The following CTSH variants were observed in gnomAD, a reference collection of about 807,000 sequenced individuals.
CTSH encodes pro-cathepsin H.
In CTSH, 52 loss-of-function variants were observed where a neutral mutation model predicts 56.3. The observed-to-expected ratio is 0.92, with a 90% CI of 0.74 to 1.16. The LOEUF (loss-of-function observed/expected upper bound fraction) is 1.16, where lower values mean the gene tolerates loss of function less well. Among genes scored for constraint, CTSH ranks in the 50% most tolerant of loss-of-function variants. The probability of loss-of-function intolerance (pLI) is 0.00; values close to 1 mark genes in which losing one functional copy is unlikely to be tolerated. For missense variants in CTSH, 406 were observed against 424.5 expected, an observed-to-expected ratio of 0.96 and a Z score of 0.38; for synonymous variants, 174 against 155.7, an observed-to-expected ratio of 1.12 and a Z score of -0.88.
chr15:78,935,047 AC>A lies in CTSH; in HGVS notation c.335del (p.Gly112ValfsTer21). 1 of 1,614,134 alleles carries A rather than the reference AC, an allele frequency of 6.2e-7. No individual in the cohort carries two copies. Among genetic ancestry groups the A allele is most frequent in the Non-Finnish European group, 8.5e-7 (1 of 1,179,976 alleles). On this transcript the variant is annotated frameshift_variant, in exon 5 of 12. Transcript: ENST00000220166. LOFTEE classifies it high-confidence loss of function. ...CSATKSNYLR[G>X]TGPYPPSVDW... ...CCACGGAAGGTGGGTAGGGACCAGT[AC>A]CTCGAAGGTAGTTACTTTTGGTGGC...
At chr15:78,932,577 G>A in intron 5 of CTSH, 119 bp from the exon 6 acceptor site, 1 of 700,548 alleles carries the variant, frequency 1.4e-6, no homozygotes, top group East Asian at 2.7e-5. Flanking sequence ...TGCCTTGGCA[G>A]TTTACCAAGC....
chr15:78,931,770 C>T, intron 6 of CTSH: 2 of 1,395,890 alleles, frequency 1.4e-6, no homozygotes, highest in Non-Finnish European at 1.9e-6. Flanking sequence ...TGGGTCCAAA[C>T]CCCTGCCCCG....
At chr15:78,934,682 C>T (rs1240943809) in intron 5 of CTSH, among the ~76,000 whole-genome samples, 5 of 152,118 alleles carry the variant, frequency 3.3e-5, no homozygotes, top group Non-Finnish European at 7.4e-5. Context: ...GGGAACATAA[C>T]GTTTTGGATG....
chr15:78,941,489 A>C (rs1324244854), intron 1 of CTSH, among the ~76,000 whole-genome samples: 3 of 145,030 alleles, frequency 2.1e-5, no homozygotes, highest in Admixed American at 1.4e-4. Flanking sequence ...ACATCTGTGA[A>C]TATTATAAAA....
chr15:78,927,703 C>T lies in CTSH; in HGVS notation c.699+10G>A, dbSNP rs749196999. On this transcript the variant is annotated intron_variant, in intron 9 of 11. Coordinates refer to ENST00000220166, the MANE Select transcript of CTSH (RefSeq NM_004390.5). ...CACATTCCCCATCCCAGAGGGGGAT[C>T]GGCACTCACGATTGTGATGTTGGCT... 52 of 1,612,544 alleles carry T rather than the reference C, an allele frequency of 3.2e-5. No individual in the cohort carries two copies. Among genetic ancestry groups the T allele is most frequent in the Middle Eastern group, 1.6e-4 (1 of 6,076 alleles).
intron 1 of CTSH, among the ~76,000 whole-genome samples, chr15:78,941,998 G>C (rs912928696): frequency 1.3e-5 from 2 of 152,166 alleles, no homozygotes; most frequent in Non-Finnish European, 2.9e-5. Context: ...ATATTTTCAT[G>C]AGTGAATATT....
chr15:78,925,686 C>T (rs1255554148), intron 9 of CTSH: 3 of 424,620 alleles, frequency 7.1e-6, no homozygotes, highest in Non-Finnish European at 1.3e-5. Flanking sequence ...CGGGGTACAG[C>T]GTGGACCTAC....
Position 78,923,348 on chromosome 15 carries a change from G to C in CTSH, c.807-230C>G, listed in dbSNP as rs575011328. Among the ~76,000 whole-genome samples the C allele has an allele frequency of 3.1e-3, 470 of 152,272 alleles. 3 individuals carry two copies. The highest frequency in any genetic ancestry group is 4.5e-3 in the Non-Finnish European group (309 of 68,028). On this transcript the variant is annotated intron_variant, in intron 10 of 11. Transcript: ENST00000220166. ...TCTGTTGCCCAGGCTGGAGTGCAAT[G>C]GTGCAATCTCTGCTCACTGCAACCT...
chr15:78,927,454 A>G (rs2054934181), intron 9 of CTSH: 1 of 540,194 alleles, frequency 1.9e-6, no homozygotes, highest in Non-Finnish European at 3.3e-6. Context: ...TTTACAAGCA[A>G]GAAAACAGAA....
At chr15:78,925,075 A>T (rs1157576636) in intron 10 of CTSH, among the ~76,000 whole-genome samples, 1 of 152,134 alleles carries the variant, frequency 6.6e-6, no homozygotes, top group Non-Finnish European at 1.5e-5. Context: ...CCTAGCTCTC[A>T]CTAGCCAGGT....
At chr15:78,939,585 A>C (rs2055245833) in intron 1 of CTSH, among the ~76,000 whole-genome samples, 1 of 152,216 alleles carries the variant, frequency 6.6e-6, no homozygotes, top group Non-Finnish European at 1.5e-5. Context: ...TAAGAAGTTA[A>C]TTTAAAAAGC....
chr15:78,932,010 C>T lies in CTSH; in HGVS notation c.492+362G>A, dbSNP rs2055071845. The T allele has an allele frequency of 1.4e-5, 16 of 1,173,118 alleles. No individual in the cohort carries two copies. In the South Asian group the frequency reaches 2.2e-4, roughly 16 times the overall value. The allele number at this position is 1,173,118 out of a possible 1,614,324, so 72.7% of individuals were successfully genotyped here. A position where few individuals can be genotyped will look rare whatever the true frequency, so the allele number is the denominator to read the frequency against. The stretch of plus-strand genomic sequence containing the variant: ...GGCGAGGGGATGGATGCATAGGTCC[C>T]GGCTCTTCCCTCATGAAGACAACTG... On this transcript the variant is annotated intron_variant, in intron 6 of 11. Transcript: ENST00000220166.
At chr15:78,937,952 T>A in intron 2 of CTSH, 1 of 450,406 alleles carries the variant, frequency 2.2e-6, no homozygotes, top group Non-Finnish European at 3.6e-6. Context: ...TCCATTACTT[T>A]AAAAATTTCT....
At chr15:78,944,073 C>T (rs1393028398) in intron 1 of CTSH, among the ~76,000 whole-genome samples, 1 of 152,240 alleles carries the variant, frequency 6.6e-6, no homozygotes, top group Admixed American at 6.5e-5. Flanking sequence ...CAGGGCACCC[C>T]CCCTCCCTAG....
intron 1 of CTSH, among the ~76,000 whole-genome samples, chr15:78,942,979 G>A (rs2055326597): frequency 6.6e-6 from 1 of 152,106 alleles, no homozygotes; most frequent in African/African-American, 2.4e-5. Context: ...AGGGTTTCAG[G>A]GGATTCCAGA....
intron 6 of CTSH, chr15:78,932,021 T>G: frequency 8.5e-7 from 1 of 1,183,244 alleles, no homozygotes; most frequent in East Asian, 4.9e-5. Flanking sequence ...GGCTCTTCCC[T>G]CATGAAGACA....
At chr15:78,928,371 T>A (rs1390225438) in intron 8 of CTSH, among the ~76,000 whole-genome samples, 1 of 147,200 alleles carries the variant, frequency 6.8e-6, no homozygotes, top group Admixed American at 6.8e-5. Context: ...TCAATACCAG[T>A]CTGGCCAAGA....
chr15:78,929,321 G>C (rs191669226), intron 8 of CTSH, 91 bp downstream of exon 8: 7 of 967,712 alleles, frequency 7.2e-6, no homozygotes, highest in Non-Finnish European at 8.1e-6. Flanking sequence ...GAGGGAGGTG[G>C]GGGGAGAAGG....
chr15:78,922,594 G>A (rs958827907), intron 11 of CTSH, among the ~76,000 whole-genome samples: 3 of 152,172 alleles, frequency 2.0e-5, no homozygotes, highest in Non-Finnish European at 4.4e-5. Context: ...ATACACCCAG[G>A]CCGCCCCATG....
Sources: gnomAD v4.1 joint callset for allele counts (sites outside exome capture counted in the v4.1 genomes callset) on GRCh38, gnomAD v4.1.1 for gene constraint, MANE v1.5 for transcripts, NCBI Gene and HGNC (gene_info 2026-07-23, HGNC 2026-07-21) for gene names.